Variants in AGMO observed in about 807,000 individuals in gnomAD.
The protein encoded by AGMO is glyceryl-ether monooxygenase.
In AGMO, 75 loss-of-function variants were observed where a neutral mutation model predicts 60.2. The observed-to-expected ratio is 1.25, with a 90% CI of 1.03 to 1.51. AGMO has a LOEUF of 1.51. AGMO is among the 40% of genes most tolerant of loss of function. AGMO has a pLI of 0.00. For synonymous variants in AGMO, 261 were observed against 177.1 expected (o/e 1.47, Z -3.76); for missense variants, 763 against 525.5 (o/e 1.45, Z -4.42).
intron 4 of AGMO, among the ~76,000 whole-genome samples, chr7:15,420,912 G>C (rs1210953831): frequency 6.6e-6 from 1 of 152,102 alleles, no homozygotes; most frequent in Non-Finnish European, 1.5e-5. Flanking sequence ...TCTTGTAGAA[G>C]TCATACATAA....
At chr7:15,392,797 T>TA (rs1562482768) in intron 6 of AGMO, among the ~76,000 whole-genome samples, 1 of 108,290 alleles carries the variant, frequency 9.2e-6, no homozygotes, top group African/African-American at 3.8e-5. Flanking sequence ...AGACTCTGTC[T>TA]CAAAACAAAC....
intron 3 of AGMO, among the ~76,000 whole-genome samples, chr7:15,476,782 G>A (rs1442938294): frequency 6.6e-6 from 1 of 152,094 alleles, no homozygotes; most frequent in Non-Finnish European, 1.5e-5. Context: ...CAAAATAGCT[G>A]AAGGTTTGTA....
intron 3 of AGMO, among the ~76,000 whole-genome samples, chr7:15,501,513 C>T (rs991918244): frequency 6.6e-5 from 10 of 150,936 alleles, no homozygotes; most frequent in Admixed American, 1.3e-4. Context: ...AAAAATGAAC[C>T]AATTGTTTTA....
At chr7:15,144,890 T>C in the AGMO span, among the ~76,000 whole-genome samples, 14 of 152,300 alleles carry the variant, frequency 9.2e-5, no homozygotes, top group South Asian at 8.3e-4. Context: ...AGTGCAGTGG[T>C]GCGATCTCTG....
chr7:15,534,246 G>A (rs758926872), intron 3 of AGMO, among the ~76,000 whole-genome samples: 1 of 151,792 alleles, frequency 6.6e-6, no homozygotes, highest in Non-Finnish European at 1.5e-5. Flanking sequence ...AAGATGAAAG[G>A]ACAACAAAAG....
intron 5 of AGMO, among the ~76,000 whole-genome samples, chr7:15,394,881 G>A (rs900728424): frequency 6.6e-6 from 1 of 152,044 alleles, no homozygotes; most frequent in Non-Finnish European, 1.5e-5. Context: ...ATATAAAAAG[G>A]CCTTTTTTCA....
rs965152534 is a variant in AGMO at position 15,340,805 on chromosome 7, G to A, written c.1263+24709C>T. Reference sequence around the variant, plus strand: ...AAACCTCTGCTAGGGCAGTGCAGAAGGGAAATGTGGGGTTGGTGCCCCCAC... The same window carrying A: ...AAACCTCTGCTAGGGCAGTGCAGAAAGGAAATGTGGGGTTGGTGCCCCCAC... On this transcript the variant is annotated intron_variant, in intron 12 of 12. Coordinates refer to ENST00000342526, the MANE Select transcript of AGMO (RefSeq NM_001004320.2). Among the ~76,000 whole-genome samples the A allele has an allele frequency of 5.9e-5, 9 of 152,306 alleles. No individual in the cohort carries two copies. The South Asian group carries it at 1.7e-3, about 28-fold the overall frequency.
the AGMO span, among the ~76,000 whole-genome samples, chr7:15,180,608 T>TCACTATAATTTCA: frequency 8.6e-4 from 131 of 152,274 alleles, no homozygotes; most frequent in African/African-American, 3.0e-3. Context: ...TTCTGAGCCT[T>TCACTATAATTTCA]CACTATAATT....
intron 2 of AGMO, among the ~76,000 whole-genome samples, chr7:15,555,296 C>T (rs1001830580): frequency 0.13 from 10,368 of 82,340 alleles, 420 homozygotes; most frequent in African/African-American, 0.31. Flanking sequence ...TATATATACA[C>T]ACACACACAC....
chr7:15,302,641 G>T (rs1399554012), intron 12 of AGMO, among the ~76,000 whole-genome samples: 3 of 152,060 alleles, frequency 2.0e-5, no homozygotes, highest in African/African-American at 7.2e-5. Context: ...TACAAAGCAG[G>T]TATTTATTTT....
chr7:15,421,080 T>C (rs533551747), intron 4 of AGMO, among the ~76,000 whole-genome samples: 2 of 152,244 alleles, frequency 1.3e-5, no homozygotes, highest in South Asian at 2.1e-4. Context: ...GACAGTATCA[T>C]GAAGCAAGAA....
chr7:15,405,873 G>C (rs1784672108), intron 5 of AGMO, among the ~76,000 whole-genome samples: 1 of 151,800 alleles, frequency 6.6e-6, no homozygotes, highest in Admixed American at 6.6e-5. Flanking sequence ...AAATAGGACA[G>C]ATTTCTCTTT....
chr7:15,387,323 A>C, intron 9 of AGMO, 83 bp downstream of exon 9: 1 of 1,459,466 alleles, frequency 6.9e-7, no homozygotes, highest in Non-Finnish European at 9.3e-7. Flanking sequence ...GATTTGCATG[A>C]AAACAGCGTA....
At chr7:15,420,520 C>A (rs1780896230) in intron 4 of AGMO, among the ~76,000 whole-genome samples, 1 of 152,036 alleles carries the variant, frequency 6.6e-6, no homozygotes, top group Admixed American at 6.6e-5. Flanking sequence ...GTGATAATTT[C>A]TTATGATTAA....
At chr7:15,469,880 G>C (rs142616269) in intron 3 of AGMO, among the ~76,000 whole-genome samples, 1,679 of 152,184 alleles carry the variant, frequency 0.011, 20 homozygotes, top group Non-Finnish European at 0.014. Context: ...GGTGAAGATG[G>C]AGACTAGGAT....
chr7:15,364,773 T>C (rs1241411952), intron 12 of AGMO, among the ~76,000 whole-genome samples: 4 of 152,042 alleles, frequency 2.6e-5, no homozygotes, highest in Admixed American at 1.3e-4. Flanking sequence ...TTTTCACTGA[T>C]GCTAAGAGCG....
intron 1 of AGMO, among the ~76,000 whole-genome samples, chr7:15,560,477 C>T (rs1785275462): frequency 6.6e-6 from 1 of 152,122 alleles, no homozygotes; most frequent in African/African-American, 2.4e-5. Flanking sequence ...TGCTCAAATT[C>T]TATCATCCAA....
intron 12 of AGMO, among the ~76,000 whole-genome samples, chr7:15,304,396 C>A (rs1780551060): frequency 6.6e-6 from 1 of 152,008 alleles, no homozygotes; most frequent in Non-Finnish European, 1.5e-5. Flanking sequence ...AAATTCAAGG[C>A]CAAACCAGGA....
chr7:15,391,063 G>A (rs1784118588), intron 6 of AGMO, among the ~76,000 whole-genome samples, 158 bp from the exon 7 acceptor site: 2 of 151,828 alleles, frequency 1.3e-5, no homozygotes, highest in South Asian at 4.1e-4. Context: ...AGATTTTATT[G>A]TCTAATAATG....
Sources: allele counts gnomAD v4.1 joint callset (sites outside exome capture counted in the v4.1 genomes callset), GRCh38; gene constraint gnomAD v4.1.1; transcripts MANE v1.5; gene names NCBI Gene and HGNC (gene_info 2026-07-23, HGNC 2026-07-21).